Variants in ELOVL5 observed in about 807,000 individuals in gnomAD.
The protein encoded by ELOVL5 is very long chain fatty acid elongase 5.
In ELOVL5, 8 loss-of-function variants were observed where a neutral mutation model predicts 38.6. The ratio of observed to expected loss-of-function variants is 0.21; its 90% confidence interval spans 0.12 to 0.37. The LOEUF is 0.37. Ranked by LOEUF, ELOVL5 falls within the 10% of genes least tolerant of loss-of-function variation. ELOVL5 has a pLI of 1.00. For missense variants in ELOVL5, 280 were observed against 367.8 expected (o/e 0.76, Z 1.95); for synonymous variants, 127 against 133.7 (o/e 0.95, Z 0.34).
intron 1 of ELOVL5, among the ~76,000 whole-genome samples, chr6:53,308,357 A>G (rs889890480): frequency 2.0e-5 from 3 of 152,156 alleles, no homozygotes; most frequent in African/African-American, 7.2e-5. Context: ...TTAGGCTCTA[A>G]GCTCTTCAAC....
At chr6:53,305,070 T>A (rs1478811490) in intron 1 of ELOVL5, among the ~76,000 whole-genome samples, 5 of 114,668 alleles carry the variant, frequency 4.4e-5, no homozygotes, top group South Asian at 3.2e-4. Context: ...CCCCCCCACC[T>A]CCCTCCCGGA....
intron 1 of ELOVL5, among the ~76,000 whole-genome samples, chr6:53,326,938 T>C (rs537907485): frequency 6.6e-6 from 1 of 152,168 alleles, no homozygotes; most frequent in South Asian, 2.1e-4. Context: ...TCACCTTGCT[T>C]GCAACTTTAG....
chr6:53,291,884 T>C lies in ELOVL5; in HGVS notation c.138A>G (p.Val46=), dbSNP rs780504563. ...TCCTCATGTATTTTGGTCCCAGCCA[T>C]ACAATTAGTAAATATATGACAGAGC... is the stretch of plus-strand genomic sequence containing the variant. ...FICSVIYLLI[V]WLGPKYMRNK... The change falls in exon 3 of 8, where the codon GTA becomes GTG. Residue 46 remains valine, a synonymous_variant. Coordinates refer to ENST00000304434, the MANE Select transcript of ELOVL5 (RefSeq NM_021814.5). 1.2e-5 allele frequency: 19 copies of C among 1,613,338 alleles called. No individual in the cohort carries two copies. In the Middle Eastern group the frequency reaches 5.0e-4, roughly 42 times the overall value.
Position 53,268,778 on chromosome 6 carries a change from A to C in ELOVL5, c.*349T>G. The C allele has an allele frequency of 5.9e-6, 1 of 170,802 alleles. No homozygotes were observed. The highest frequency in any genetic ancestry group is 1.2e-5 in the Non-Finnish European group (1 of 80,504). The allele number at this position is 170,802 out of a possible 1,614,324, so 10.6% of individuals were successfully genotyped here. A position where few individuals can be genotyped will look rare whatever the true frequency, so the allele number is the denominator to read the frequency against. ...ACATTTACAATCACATGCATGATCT[A>C]CAGTTAAAAAAAAAAGTTTGGATTA... On this transcript the variant is annotated 3_prime_UTR_variant, in exon 8 of 8. Transcript: ENST00000304434.
intron 1 of ELOVL5, among the ~76,000 whole-genome samples, chr6:53,334,705 G>A (rs1362555070): frequency 6.6e-6 from 1 of 152,066 alleles, no homozygotes; most frequent in African/African-American, 2.4e-5. Flanking sequence ...ACAGATGGTG[G>A]TCCTGAATCT....
At position 53,275,080 on chromosome 6, in the gene ELOVL5, T is replaced by A; in HGVS notation, c.496+10A>T. ...CACCTGTTCCCCAAGTCCCCGTCTC[T>A]AATACTTACAGTGGCCGCAGGGGAC... On this transcript the variant is annotated intron_variant, in intron 5 of 7. Transcript: ENST00000304434. The A allele has an allele frequency of 6.2e-7, 1 of 1,613,474 alleles. No homozygotes were observed. Among genetic ancestry groups the A allele is most frequent in the South Asian group, 1.1e-5 (1 of 91,044 alleles).
At chr6:53,324,156 A>G (rs1353129499) in intron 1 of ELOVL5, among the ~76,000 whole-genome samples, 2 of 151,246 alleles carry the variant, frequency 1.3e-5, no homozygotes, top group South Asian at 2.1e-4. Context: ...AGGAGGCTGA[A>G]GCAGGAGAAG....
intron 7 of ELOVL5, 116 bp from the exon 8 acceptor site, chr6:53,269,386 G>C: frequency 1.4e-6 from 1 of 717,934 alleles, no homozygotes; most frequent in Non-Finnish European, 2.1e-6. Context: ...TCTTATCAAG[G>C]AGAAACTCCT....
intron 1 of ELOVL5, 100 bp from the exon 2 acceptor site, chr6:53,295,807 C>T: frequency 1.4e-6 from 1 of 736,628 alleles, no homozygotes. Flanking sequence ...GAATATGCTA[C>T]AGACAAGGTT....
chr6:53,329,466 G>A (rs767859691), intron 1 of ELOVL5, among the ~76,000 whole-genome samples: 2 of 151,982 alleles, frequency 1.3e-5, no homozygotes, highest in African/African-American at 2.4e-5. Context: ...ATTTAATAGC[G>A]CAAATCTTAT....
intron 3 of ELOVL5, among the ~76,000 whole-genome samples, chr6:53,284,570 A>G (rs1240285586): frequency 6.6e-6 from 1 of 152,216 alleles, no homozygotes; most frequent in African/African-American, 2.4e-5. Flanking sequence ...AAGGCCAAAG[A>G]AAACATATAT....
intron 5 of ELOVL5, among the ~76,000 whole-genome samples, chr6:53,273,706 G>A (rs1766008776): frequency 6.6e-6 from 1 of 152,220 alleles, no homozygotes; most frequent in Non-Finnish European, 1.5e-5. Flanking sequence ...GCTCTCTGAA[G>A]GCTGTGGAAG....
At chr6:53,335,408 T>C (rs1297412597) in intron 1 of ELOVL5, among the ~76,000 whole-genome samples, 2 of 152,192 alleles carry the variant, frequency 1.3e-5, no homozygotes. Context: ...CTGCCCCCTT[T>C]GCCTCCGAGC....
intron 3 of ELOVL5, among the ~76,000 whole-genome samples, chr6:53,282,843 C>T (rs1766411664): frequency 6.6e-6 from 1 of 152,008 alleles, no homozygotes; most frequent in South Asian, 2.1e-4. Context: ...CCCACAATAA[C>T]GTATCTATTT....
intron 1 of ELOVL5, among the ~76,000 whole-genome samples, chr6:53,344,088 T>C (rs765880613): frequency 1.3e-5 from 2 of 152,148 alleles, no homozygotes; most frequent in Non-Finnish European, 2.9e-5. Flanking sequence ...AAGCTGACAA[T>C]AGATGAAATG....
In ELOVL5 at chr6:53,276,265, GAAGA is replaced by G. The variant is rs778441938; in HGVS notation, c.247-13_247-10del. 18 of 1,594,808 alleles carry G rather than the reference GAAGA, an allele frequency of 1.1e-5. No homozygotes were observed. Among genetic ancestry groups the G allele is most frequent in the Admixed American group, 5.0e-5 (3 of 59,918 alleles). ...CATACTCCTGTTACTAACTAAAAAA[GAAGA>G]AAGAGCCAGTCACCAACAGCATCTG... is the stretch of plus-strand genomic sequence containing the variant. On this transcript the variant is annotated splice_polypyrimidine_tract_variant and intron_variant, in intron 3 of 7. Coordinates refer to ENST00000304434, the MANE Select transcript of ELOVL5 (RefSeq NM_021814.5).
At chr6:53,284,301 C>CTT (rs5876312) in intron 3 of ELOVL5, among the ~76,000 whole-genome samples, 1 of 147,872 alleles carries the variant, frequency 6.8e-6, no homozygotes, top group Non-Finnish European at 1.5e-5. Flanking sequence ...GCAAGACCAT[C>CTT]TTTTTTTTTT....
chr6:53,324,323 T>C (rs1300403210), intron 1 of ELOVL5, among the ~76,000 whole-genome samples: 2 of 151,376 alleles, frequency 1.3e-5, no homozygotes, highest in African/African-American at 2.4e-5. Context: ...CTATGGATAT[T>C]GATTACATAA....
At chr6:53,324,846 A>G (rs1032268156) in intron 1 of ELOVL5, among the ~76,000 whole-genome samples, 7 of 152,146 alleles carry the variant, frequency 4.6e-5, no homozygotes, top group African/African-American at 1.7e-4. Flanking sequence ...TGTATCAAAA[A>G]GGAAAAGAAT....
Sources: allele counts gnomAD v4.1 joint callset (sites outside exome capture counted in the v4.1 genomes callset), GRCh38; gene constraint gnomAD v4.1.1; transcripts MANE v1.5; gene names NCBI Gene and HGNC (gene_info 2026-07-23, HGNC 2026-07-21).